Variants in CDKAL1 observed in about 807,000 individuals in gnomAD.
CDKAL1 encodes the protein threonylcarbamoyladenosine tRNA methylthiotransferase.
Under a neutral mutation model 68.2 loss-of-function variants are expected in CDKAL1, and 32 were observed. The observed-to-expected ratio is 0.47, with a 90% CI of 0.35 to 0.63. The LOEUF (loss-of-function observed/expected upper bound fraction) is 0.63. Ranked by LOEUF, CDKAL1 falls within the 30% of genes least tolerant of loss-of-function variation. The pLI, the probability that CDKAL1 is intolerant of heterozygous loss-of-function variation, is 0.00. For synonymous variants in CDKAL1, 234 were observed against 244.3 expected (o/e 0.96, Z 0.39); for missense variants, 606 against 696.7 (o/e 0.87, Z 1.47).
At chr6:20,868,872 G>A (rs760095789) in intron 9 of CDKAL1, among the ~76,000 whole-genome samples, 2 of 152,204 alleles carry the variant, frequency 1.3e-5, no homozygotes, top group Non-Finnish European at 2.9e-5. Context: ...AAATGAAAGG[G>A]ATTGATACTT....
intron 4 of CDKAL1, among the ~76,000 whole-genome samples, chr6:20,582,102 GAC>G (rs779056418): frequency 2.0e-4 from 31 of 152,104 alleles, no homozygotes; most frequent in Non-Finnish European, 3.4e-4. Context: ...TTGTTTATAA[GAC>G]ATTTTATGGA....
chr6:20,614,965 T>C (rs1268936789), intron 4 of CDKAL1, among the ~76,000 whole-genome samples: 87 of 129,064 alleles, frequency 6.7e-4, no homozygotes, highest in Admixed American at 9.7e-4. Flanking sequence ...GAGTGTGATA[T>C]TCCCCTTCCT....
intron 11 of CDKAL1, among the ~76,000 whole-genome samples, chr6:21,063,463 C>T (rs1197105475): frequency 3.9e-5 from 6 of 152,284 alleles, no homozygotes; most frequent in South Asian, 4.1e-4. Context: ...GCTACCTTAT[C>T]GCTGAATGAT....
chr6:20,893,097 G>A (rs1376398328), intron 9 of CDKAL1, among the ~76,000 whole-genome samples: 1 of 152,258 alleles, frequency 6.6e-6, no homozygotes, highest in Non-Finnish European at 1.5e-5. Context: ...AGGTGGGTCT[G>A]GAATGATCCC....
At chr6:20,887,825 A>G (rs1166092130) in intron 9 of CDKAL1, among the ~76,000 whole-genome samples, 1 of 150,670 alleles carries the variant, frequency 6.6e-6, no homozygotes, top group African/African-American at 2.4e-5. Flanking sequence ...TTTCTGTCAC[A>G]CAGGCCAGAG....
chr6:20,767,988 T>G (rs1476101334), intron 7 of CDKAL1, among the ~76,000 whole-genome samples: 2 of 152,224 alleles, frequency 1.3e-5, no homozygotes, highest in Admixed American at 1.3e-4. Context: ...ACTACCATTT[T>G]ATAACTAAGT....
chr6:20,644,553 G>A (rs1379274043), intron 4 of CDKAL1, among the ~76,000 whole-genome samples: 1 of 152,086 alleles, frequency 6.6e-6, no homozygotes, highest in Non-Finnish European at 1.5e-5. Flanking sequence ...GATGGCGGGT[G>A]CCTGTAGTCC....
intron 8 of CDKAL1, among the ~76,000 whole-genome samples, chr6:20,835,481 TTTGTC>T (rs143490469): frequency 0.58 from 86,717 of 149,502 alleles, 26,037 homozygotes; most frequent in Non-Finnish European, 0.66. Context: ...CTTTGCTTTG[TTTGTC>T]TTGTCTTGTC....
intron 9 of CDKAL1, among the ~76,000 whole-genome samples, chr6:20,896,054 G>A (rs1325840627): frequency 1.3e-5 from 2 of 151,496 alleles, no homozygotes; most frequent in Non-Finnish European, 2.9e-5. Flanking sequence ...TGAAGAGATT[G>A]GGATTGGAAA....
At chr6:20,561,271 A>G (rs934824484) in intron 4 of CDKAL1, among the ~76,000 whole-genome samples, 1 of 151,492 alleles carries the variant, frequency 6.6e-6, no homozygotes, top group South Asian at 2.1e-4. Flanking sequence ...GCGAAACCCC[A>G]TCTCTACTAA....
intron 11 of CDKAL1, among the ~76,000 whole-genome samples, chr6:21,025,892 A>G (rs531403230): frequency 6.6e-6 from 1 of 152,294 alleles, no homozygotes; most frequent in Non-Finnish European, 1.5e-5. Flanking sequence ...TTAACTACTT[A>G]AATTGTTCTC....
At chr6:20,820,960 T>C (rs1777253046) in intron 8 of CDKAL1, among the ~76,000 whole-genome samples, 1 of 151,588 alleles carries the variant, frequency 6.6e-6, no homozygotes, top group South Asian at 2.1e-4. Context: ...CAGAGAACTT[T>C]TAGGGGTGGC....
At chr6:20,879,844 C>A (rs936283173) in intron 9 of CDKAL1, among the ~76,000 whole-genome samples, 5 of 152,142 alleles carry the variant, frequency 3.3e-5, no homozygotes, top group African/African-American at 1.2e-4. Flanking sequence ...AGGAAGCTTA[C>A]CAAGTTTTGA....
Position 20,546,449 on chromosome 6 carries a change from T to C in CDKAL1, c.99T>C (p.Asp33=). The C allele has an allele frequency of 1.2e-6, 2 of 1,614,122 alleles. No homozygotes were observed. The highest frequency in any genetic ancestry group is 1.1e-5 in the South Asian group (1 of 91,084). The stretch of plus-strand genomic sequence containing the variant: ...AAGATAGGCATTTTGTAAGAAAGGA[T>C]GTTGTCCCGAAGGTACGAAGGCGAA... ...KPQDRHFVRK[D]VVPKVRRRNT... is the part of the protein sequence containing the mutation. The change falls in exon 3 of 16, where the codon GAT becomes GAC. Residue 33 remains aspartate (D), a synonymous_variant. Coordinates refer to ENST00000274695, the MANE Select transcript of CDKAL1 (RefSeq NM_017774.3).
chr6:20,719,625 A>G (rs1194673681), intron 5 of CDKAL1, among the ~76,000 whole-genome samples: 2 of 152,182 alleles, frequency 1.3e-5, no homozygotes, highest in Non-Finnish European at 2.9e-5. Flanking sequence ...TAATTAAAAT[A>G]TTTTATGTTT....
At chr6:20,855,803 T>C (rs1430666232) in intron 9 of CDKAL1, among the ~76,000 whole-genome samples, 1 of 152,234 alleles carries the variant, frequency 6.6e-6, no homozygotes, top group Admixed American at 6.5e-5. Flanking sequence ...TTAATAAGTA[T>C]ACATCCATGG....
At chr6:21,022,990 A>G (rs1245170957) in intron 11 of CDKAL1, among the ~76,000 whole-genome samples, 1 of 152,198 alleles carries the variant, frequency 6.6e-6, no homozygotes, top group African/African-American at 2.4e-5. Flanking sequence ...TTACCTTTTG[A>G]TGAGATCATT....
chr6:20,605,470 A>C (rs1373879586), intron 4 of CDKAL1, among the ~76,000 whole-genome samples: 1 of 152,082 alleles, frequency 6.6e-6, no homozygotes, highest in East Asian at 1.9e-4. Context: ...CTTATTCTCC[A>C]ATTTTTCTTC....
At chr6:20,857,559 C>CAAAT (rs1418207832) in intron 9 of CDKAL1, among the ~76,000 whole-genome samples, 1 of 152,210 alleles carries the variant, frequency 6.6e-6, no homozygotes, top group East Asian at 1.9e-4. Flanking sequence ...GTTTGAAATG[C>CAAAT]AAATATCTGG....
Sources: allele counts gnomAD v4.1 joint callset (sites outside exome capture counted in the v4.1 genomes callset), GRCh38; gene constraint gnomAD v4.1.1; transcripts MANE v1.5; gene names NCBI Gene and HGNC (gene_info 2026-07-23, HGNC 2026-07-21).